Variants in BRD4 observed in about 807,000 individuals in gnomAD.
BRD4 encodes the protein bromodomain containing 4, also known as bromodomain-containing protein 4.
BRD4 carries 16 observed loss-of-function variants against 142.1 expected under a neutral mutation model. The ratio of observed to expected loss-of-function variants is 0.11; its 90% CI spans 0.08 to 0.17. BRD4 has a LOEUF of 0.17. Among genes scored for constraint, BRD4 ranks in the 10% least tolerant of loss-of-function variants. The pLI, the probability that BRD4 is intolerant of heterozygous loss-of-function variation, is 1.00. For synonymous variants in BRD4, 833 were observed against 707.5 expected, an observed-to-expected ratio of 1.18 and a Z score of -2.82; for missense variants, 1,424 against 1,810.9, an observed-to-expected ratio of 0.79 and a Z score of 3.88.
At chr19:15,244,985 G>A (rs1282497583) in intron 11 of BRD4, 1 of 832,106 alleles carries the variant, frequency 1.2e-6, no homozygotes, top group Non-Finnish European at 1.8e-6. Flanking sequence ...AGCAGGGACT[G>A]TGCCTGAAAA....
rs199836828 is a variant in BRD4, at chr19:15,242,984, G to T, written c.3085C>A (p.Pro1029Thr). 1.3e-6 allele frequency: 2 copies of T among 1,581,110 alleles called. No homozygotes were observed. Among genetic ancestry groups the T allele is most frequent in the South Asian group, 2.3e-5 (2 of 87,084 alleles). Residue 1029 changes from proline (P) to threonine (T), a missense_variant, in exon 14 of 20, where the codon CCC (proline) becomes ACC (threonine). Physicochemically the swap from Pro to Thr is conservative, Grantham distance 38. Transcript: ENST00000679869. ...PPHPPPGQQP[P>T]PPQPAKPQQV... The stretch of plus-strand genomic sequence containing the variant: ...TGAGGCTTGGCAGGCTGCGGCGGGG[G>T]TGGCTGCTGGCCTGGGGGCGGATGG...
chr19:15,239,288 G>A lies in BRD4; in HGVS notation c.3577-24C>T. The A allele has an allele frequency of 3.7e-6, 6 of 1,613,208 alleles. No homozygotes were observed. Among genetic ancestry groups the A allele is most frequent in the Non-Finnish European group, 5.1e-6 (6 of 1,179,508 alleles). On this transcript the variant is annotated intron_variant, in intron 17 of 19. Coordinates refer to ENST00000679869, the MANE Select transcript of BRD4 (RefSeq NM_001379291.1). The surrounding 1 kb of genome is among the most constrained non-coding windows in gnomAD (Gnocchi z 7.4). ...TCCTGCAGAACAGAGAGGTTGGGGT[G>A]GGTGAGGGGTCTGCTGTGCCTAAAG...
At chr19:15,316,411 G>C (rs1001955826) in intron 1 of BRD4, among the ~76,000 whole-genome samples, 2 of 151,866 alleles carry the variant, frequency 1.3e-5, no homozygotes, top group African/African-American at 4.8e-5. Flanking sequence ...CCAACGTGGT[G>C]AAACCCTGTC....
At chr19:15,273,272 C>A in intron 1 of BRD4, 139 bp from the exon 2 acceptor site, 1 of 786,188 alleles carries the variant, frequency 1.3e-6, no homozygotes. Flanking sequence ...AGGGACCACC[C>A]CATGCTTTGA....
chr19:15,305,646 C>T (rs186419774), intron 1 of BRD4, among the ~76,000 whole-genome samples: 2 of 152,250 alleles, frequency 1.3e-5, no homozygotes, highest in Admixed American at 6.5e-5. Context: ...TTAGATTTAC[C>T]ATAATTCTTA....
Position 15,238,861 on chromosome 19 carries a change from G to A in BRD4, c.3902C>T (p.Ala1301Val). Residue 1301 changes from alanine (A) to valine (V), a missense_variant, in exon 19 of 20, where the codon GCA becomes GTA. Physicochemically the swap from Ala to Val is moderately conservative, Grantham distance 64 (BLOSUM62 0). Transcript: ENST00000679869. This position sits in a 1 kb window ranked among gnomAD's most constrained non-coding sequence, Gnocchi z 7.2. ...GGTGGCGGCGGCAGCCACCGCAGCT[G>A]CTTGCTGTTGCTGCTGCTGCTGTTG... ...QEQQQQQQQQ[A>V]AAVAAAATPQ... The A allele has an allele frequency of 1.9e-6, 3 of 1,601,046 alleles. No individual in the cohort carries two copies. The highest frequency in any genetic ancestry group is 2.6e-6 in the Non-Finnish European group (3 of 1,174,494).
Position 15,243,483 on chromosome 19 carries a change from C to G in BRD4, c.2586G>C (p.Leu862Phe). The G allele has an allele frequency of 6.4e-7, 1 of 1,559,144 alleles. No individual in the cohort carries two copies. The highest frequency in any genetic ancestry group is 8.6e-7 in the Non-Finnish European group (1 of 1,156,500). ...NQHAVVSPPA[L>F]HNALPQQPSR... ...ATGGCTGCTGGGGTAGTGCGTTGTG[C>G]AAAGCTGGAAGAACACAACACCGAG... The change falls in exon 14 of 20, where the codon TTG becomes TTC. Residue 862 changes from leucine to phenylalanine, a missense_variant. This residue lies in a region of BRD4 where 598 missense variants were observed against 647.8 expected (regional missense o/e 0.92). Transcript: ENST00000679869.
Position 15,238,022 on chromosome 19 carries a change from G to A in BRD4, c.*355C>T, listed in dbSNP as rs1379531752. ...TTGGGGACAGAAAACCAGTCACGGC[G>A]GCAGCAACGATGTCCTGTGTATACT... On this transcript the variant is annotated 3_prime_UTR_variant, in exon 20 of 20. Transcript: ENST00000679869. The surrounding 1 kb of genome is among the most constrained non-coding windows in gnomAD (Gnocchi z 7.2). 1.2e-5 allele frequency: 3 copies of A among 250,444 alleles called. No homozygotes were observed. The highest frequency in any genetic ancestry group is 2.2e-5 in the African/African-American group (1 of 45,728). 15.5% of individuals were successfully genotyped at this position (250,444 alleles called of 1,614,324 possible).
At chr19:15,278,404 C>T (rs1010712347) in intron 1 of BRD4, among the ~76,000 whole-genome samples, 1 of 151,662 alleles carries the variant, frequency 6.6e-6, no homozygotes, top group Admixed American at 6.6e-5. Context: ...GGTATGGTGG[C>T]GCATGCTTGT....
Position 15,243,347 on chromosome 19 carries a change from G to C in BRD4, c.2722C>G (p.Pro908Ala), listed in dbSNP as rs752579428. 1 of 1,335,546 alleles carries C rather than the reference G, an allele frequency of 7.5e-7. No homozygotes were observed. Among genetic ancestry groups the C allele is most frequent in the Non-Finnish European group, 9.7e-7 (1 of 1,030,234 alleles). 82.7% of individuals were successfully genotyped at this position (1,335,546 alleles called of 1,614,324 possible). A position where few individuals can be genotyped will look rare whatever the true frequency, so the allele number is the denominator to read the frequency against. The change falls in exon 14 of 20, where the codon CCC becomes GCC. Residue 908 changes from proline to alanine, a missense_variant. Physicochemically the swap from Pro to Ala is conservative, Grantham distance 27. Coordinates refer to ENST00000679869, the MANE Select transcript of BRD4 (RefSeq NM_001379291.1). ...PLLPQPPMAQ[P>A]PQVLLEDEEP... The stretch of plus-strand genomic sequence containing the variant: ...TCATCCTCCAGCAGCACTTGGGGGG[G>C]TTGGGCCATGGGGGGCTGTGGGAGC...
rs1229502583 is a variant in BRD4 at position 15,273,029 on chromosome 19, G to A, written c.71C>T (p.Ser24Phe). The A allele has an allele frequency of 6.2e-7, 1 of 1,613,912 alleles. No individual in the cohort carries two copies. Among genetic ancestry groups the A allele is most frequent in the South Asian group, 1.1e-5 (1 of 91,066 alleles). ...CTGGGCCTGTGTTGTAGACATTTGG[G>A]AAGTTTCTAGTCCATCCCCCATTAC... ...LPVMGDGLET[S>F]QMSTTQAQAQ... The change falls in exon 2 of 20, where the codon TCC (serine) becomes TTC (phenylalanine). Residue 24 changes from serine to phenylalanine, a missense_variant. By Grantham distance (155) the Ser-to-Phe change is radical. Coordinates refer to ENST00000679869, the MANE Select transcript of BRD4 (RefSeq NM_001379291.1).
chr19:15,237,245 T>TGGGGGGGGG lies in BRD4; in HGVS notation c.*1123_*1131dup. ...AAAAACAAAAAAGCCAACAAATGGG[T>TGGGGGGGGG]GGGGGGGGGGGGGGTGGAGGGGAAA... On this transcript the variant is annotated 3_prime_UTR_variant, in exon 20 of 20. Coordinates refer to ENST00000679869, the MANE Select transcript of BRD4 (RefSeq NM_001379291.1). 4.3e-5 allele frequency: 1 copy of TGGGGGGGGG among 23,144 alleles called. No homozygotes were observed. Among genetic ancestry groups the TGGGGGGGGG allele is most frequent in the Non-Finnish European group, 7.1e-5 (1 of 13,988 alleles). 1.4% of individuals were successfully genotyped at this position (23,144 alleles called of 1,614,324 possible).
chr19:15,302,776 C>T (rs1017968800), intron 1 of BRD4, among the ~76,000 whole-genome samples: 18 of 150,084 alleles, frequency 1.2e-4, no homozygotes, highest in Admixed American at 3.3e-4. Flanking sequence ...GAGGCCGAGG[C>T]GGGCGCATCA....
At chr19:15,310,265 G>C (rs1227677013) in intron 1 of BRD4, among the ~76,000 whole-genome samples, 2 of 123,984 alleles carry the variant, frequency 1.6e-5, no homozygotes, top group African/African-American at 6.2e-5. Context: ...CCAAGCTGAA[G>C]TGCAATGGCG....
intron 2 of BRD4, 28 bp downstream of exon 2, chr19:15,272,787 C>T: frequency 6.3e-7 from 1 of 1,597,332 alleles, no homozygotes; most frequent in Non-Finnish European, 8.6e-7. Context: ...CCAGGACGGC[C>T]ACCCTGGGCC....
intron 11 of BRD4, chr19:15,249,056 AG>A: frequency 3.2e-6 from 2 of 630,790 alleles, no homozygotes; most frequent in Non-Finnish European, 5.5e-6. Flanking sequence ...TTACACAGAG[AG>A]GCCTGGGCGG....
At chr19:15,243,541 T>G in intron 13 of BRD4, 54 bp from the exon 14 acceptor site, 1 of 1,488,874 alleles carries the variant, frequency 6.7e-7, no homozygotes. Flanking sequence ...GGCCCCAGCC[T>G]GGCCTTTCTG....
In BRD4 at chr19:15,239,876, G is replaced by A. The variant is rs1276044807; in HGVS notation, c.3282+34C>T. 2 of 1,614,046 alleles carry A rather than the reference G, an allele frequency of 1.2e-6. No individual in the cohort carries two copies. Among genetic ancestry groups the A allele is most frequent in the Admixed American group, 1.7e-5 (1 of 60,020 alleles). On this transcript the variant is annotated intron_variant, in intron 15 of 19. Transcript: ENST00000679869. The surrounding 1 kb of genome is among the most constrained non-coding windows in gnomAD (Gnocchi z 7.4). ...AGGTGGGCAGGCACCCCCGGCCCTA[G>A]CCCACAGGACTATGGCCCAGCCCTG...
rs570503318 is a variant in BRD4, at chr19:15,261,123, G to T, written c.1341+2297C>A. 3.3e-5 allele frequency among the ~76,000 whole-genome samples: 5 copies of T among 152,342 alleles called. No homozygotes were observed. In the South Asian group the frequency reaches 8.3e-4, roughly 25 times the overall value. Reference sequence around the variant, plus strand: ...AAGAGAGTGGGAGAGAGGGAGCGGTGGAGGAGTTGAAGGCACCAATCTGAG... The same window carrying T: ...AAGAGAGTGGGAGAGAGGGAGCGGTTGAGGAGTTGAAGGCACCAATCTGAG... On this transcript the variant is annotated intron_variant, in intron 7 of 19. Transcript: ENST00000679869.
Sources: allele counts gnomAD v4.1 joint callset (sites outside exome capture counted in the v4.1 genomes callset), GRCh38; gene constraint gnomAD v4.1.1; regional missense constraint gnomAD v4.1.1; non-coding constraint Gnocchi (gnomAD v3.1); transcripts MANE v1.5; gene names NCBI Gene and HGNC (gene_info 2026-07-23, HGNC 2026-07-21).